UPB1: variants seen among roughly 807,000 people sequenced by gnomAD.
UPB1 encodes the protein beta-ureidopropionase 1.
In UPB1, 40 loss-of-function variants were observed where a neutral mutation model predicts 49.1. The ratio of observed to expected loss-of-function variants is 0.81; its 90% CI spans 0.63 to 1.06. UPB1 has a LOEUF of 1.06. Ranked by LOEUF, UPB1 falls within the 50% of genes least tolerant of loss-of-function variation. UPB1 has a pLI of 0.00. For missense variants in UPB1, 499 were observed against 505.9 expected, an observed-to-expected ratio of 0.99 and a Z score of 0.13; for synonymous variants, 207 against 198.2, an observed-to-expected ratio of 1.04 and a Z score of -0.38.
Position 24,515,339 on chromosome 22 carries a change from T to C in UPB1, c.760T>C (p.Phe254Leu), listed in dbSNP as rs919496708. Residue 254 changes from phenylalanine (F) to leucine (L), a missense_variant, in exon 6 of 10, where the codon TTC becomes CTC. Physicochemically the swap from Phe to Leu is conservative, Grantham distance 22 (BLOSUM62 0). Transcript: ENST00000326010. The stretch of plus-strand genomic sequence containing the variant: ...CAGCATCAACGGGGCTGAGATCATC[T>C]TCAACCCCTCGGCCACGATAGGAGC... ...MYSINGAEII[F>L]NPSATIGALS... The C allele has an allele frequency of 6.2e-7, 1 of 1,614,022 alleles. No individual in the cohort carries two copies. Among genetic ancestry groups the C allele is most frequent in the Non-Finnish European group, 8.5e-7 (1 of 1,180,038 alleles).
At chr22:24,522,264 G>A (rs1431749883) in intron 8 of UPB1, among the ~76,000 whole-genome samples, 3 of 152,158 alleles carry the variant, frequency 2.0e-5, no homozygotes, top group African/African-American at 7.2e-5. Flanking sequence ...TCCATTCCCC[G>A]GGACTGGTGT....
intron 3 of UPB1, among the ~76,000 whole-genome samples, chr22:24,509,360 T>TGAA (rs2044150127): frequency 5.2e-5 from 4 of 76,990 alleles, no homozygotes; most frequent in Admixed American, 1.5e-4. Context: ...ACCTACTGTT[T>TGAA]GAAAAAAAAA....
intron 6 of UPB1, 195 bp from the exon 7 acceptor site, chr22:24,520,192 G>A (rs1454900151): frequency 1.5e-6 from 1 of 649,582 alleles, no homozygotes; most frequent in South Asian, 1.8e-5. Context: ...GGCTGGCCTG[G>A]TTGCAGGTTT....
rs1267812966 is a variant in UPB1, at chr22:24,500,264, C to A, written c.262C>A (p.Pro88Thr). Reference sequence around the variant, plus strand: ...CAGAATCCCCCTCCCCGCAAATGCCCCTGTGGCAGAACAGGTGCAGACTCT... The same window carrying A: ...CAGAATCCCCCTCCCCGCAAATGCCACTGTGGCAGAACAGGTGCAGACTCT... ...QNRIPLPANA[P>T]VAEQVSALHR... The change falls in exon 2 of 10, where the codon CCT (proline) becomes ACT (threonine). Residue 88 changes from proline to threonine, a missense_variant. By Grantham distance (38) the Pro-to-Thr change is conservative. Coordinates refer to ENST00000326010, the MANE Select transcript of UPB1 (RefSeq NM_016327.3). 3.1e-6 allele frequency: 5 copies of A among 1,614,122 alleles called. No homozygotes were observed. Among genetic ancestry groups the A allele is most frequent in the Non-Finnish European group, 4.2e-6 (5 of 1,180,026 alleles).
chr22:24,526,047 C>T lies in UPB1; in HGVS notation c.*253C>T. 1 of 509,532 alleles carries T rather than the reference C, an allele frequency of 2.0e-6. No homozygotes were observed. Among genetic ancestry groups the T allele is most frequent in the Non-Finnish European group, 3.6e-6 (1 of 280,370 alleles). 31.6% of individuals were successfully genotyped at this position (509,532 alleles called of 1,614,324 possible). ...TAAATGCCACTGAATTTGTATACTT[C>T]AGAATGTTTGTTATGTAAATTTTAC... On this transcript the variant is annotated 3_prime_UTR_variant, in exon 10 of 10. Coordinates refer to ENST00000326010, the MANE Select transcript of UPB1 (RefSeq NM_016327.3).
intron 6 of UPB1, among the ~76,000 whole-genome samples, chr22:24,515,683 G>A (rs1159802564): frequency 6.6e-6 from 1 of 152,158 alleles, no homozygotes. Context: ...GCTTCAAAAA[G>A]CCCCACATTG....
At chr22:24,514,811 T>G (rs1435644879) in intron 5 of UPB1, among the ~76,000 whole-genome samples, 1 of 152,120 alleles carries the variant, frequency 6.6e-6, no homozygotes, top group African/African-American at 2.4e-5. Context: ...GTCTCCGGGC[T>G]CCACCGTTCT....
Position 24,513,377 on chromosome 22 carries a change from C to T in UPB1, c.513C>T (p.Ser171=), listed in dbSNP as rs1278978338. 10 of 1,614,044 alleles carry T rather than the reference C, an allele frequency of 6.2e-6. No individual in the cohort carries two copies. The African/African-American group carries it at 6.7e-5, about 11-fold the overall frequency. Residue 171 remains serine (S), a synonymous_variant, in exon 5 of 10, where the codon AGC becomes AGT. Coordinates refer to ENST00000326010, the MANE Select transcript of UPB1 (RefSeq NM_016327.3). ...VVVSPILERD[S]EHGDVLWNTA... The stretch of plus-strand genomic sequence containing the variant: ...TGTCTCCCATCCTGGAACGAGACAG[C>T]GAGCATGGGGATGTTTTGTGGAATA...
intron 5 of UPB1, 42 bp downstream of exon 5, chr22:24,513,527 C>T (rs1326858870): frequency 8.8e-6 from 14 of 1,598,708 alleles, no homozygotes; most frequent in Non-Finnish European, 1.1e-5. Flanking sequence ...TGCTCACTTG[C>T]CCCTCTGTAT....
chr22:24,500,428 C>T lies in UPB1; in HGVS notation c.276+150C>T, dbSNP rs1011776194. The T allele has an allele frequency of 4.3e-6, 4 of 925,348 alleles. No individual in the cohort carries two copies. The Admixed American group carries it at 7.0e-5, about 16-fold the overall frequency. 57.3% of individuals were successfully genotyped at this position (925,348 alleles called of 1,614,324 possible). ...AGAGGCGCTTCTGCCCTGGCCTCCC[C>T]ACATCCCTCCAGCCTGCATCTCTGG... On this transcript the variant is annotated intron_variant, in intron 2 of 9. Coordinates refer to ENST00000326010, the MANE Select transcript of UPB1 (RefSeq NM_016327.3).
chr22:24,501,879 G>A (rs1425388530), intron 2 of UPB1, among the ~76,000 whole-genome samples: 1 of 152,152 alleles, frequency 6.6e-6, no homozygotes, highest in African/African-American at 2.4e-5. Flanking sequence ...CAGGTCAGGT[G>A]GCAGCCTCCC....
At chr22:24,522,193 A>G (rs1002691198) in intron 8 of UPB1, among the ~76,000 whole-genome samples, 165 bp downstream of exon 8, 1 of 152,032 alleles carries the variant, frequency 6.6e-6, no homozygotes. Flanking sequence ...CAGTGTGGGA[A>G]TCGGGCTGTG....
chr22:24,509,920 A>T (rs2044166513), intron 3 of UPB1, among the ~76,000 whole-genome samples: 1 of 151,978 alleles, frequency 6.6e-6, no homozygotes, highest in Non-Finnish European at 1.5e-5. Flanking sequence ...CAGCTATTCT[A>T]CTTTCTGTCA....
At chr22:24,522,769 T>TAAAA (rs1353652421) in intron 8 of UPB1, among the ~76,000 whole-genome samples, 2 of 126,336 alleles carry the variant, frequency 1.6e-5, no homozygotes, top group Non-Finnish European at 3.4e-5. Context: ...CAGTCTCTAC[T>TAAAA]AAAAAAAAAA....
Position 24,520,406 on chromosome 22 carries a change from G to C in UPB1, c.811G>C (p.Glu271Gln), listed in dbSNP as rs747454154. Residue 271 changes from glutamate to glutamine, a missense_variant, in exon 7 of 10, where the codon GAG becomes CAG. By Grantham distance (29) the Glu-to-Gln change is conservative. Coordinates refer to ENST00000326010, the MANE Select transcript of UPB1 (RefSeq NM_016327.3). ...TTACAGCGAGTCCCTGTGGCCCATC[G>C]AGGCCAGAAACGCAGCCATTGCCAA... Reference protein sequence around the residue: ...GALSESLWPIEARNAAIANHC... With the variant: ...GALSESLWPIQARNAAIANHC... 1.2e-6 allele frequency: 2 copies of C among 1,614,028 alleles called. No individual in the cohort carries two copies. Among genetic ancestry groups the C allele is most frequent in the African/African-American group, 2.7e-5 (2 of 74,940 alleles).
intron 3 of UPB1, among the ~76,000 whole-genome samples, chr22:24,504,723 C>CTTTTTTTTT (rs35606558): frequency 5.0e-4 from 46 of 91,758 alleles, no homozygotes; most frequent in Admixed American, 9.6e-4. Context: ...GTATTTCCTC[C>CTTTTTTTTT]TTTTTTTTTT....
Position 24,521,991 on chromosome 22 carries a change from C to T in UPB1, c.879C>T (p.His293=). 1.2e-6 allele frequency: 2 copies of T among 1,614,172 alleles called. No individual in the cohort carries two copies. Among genetic ancestry groups the T allele is most frequent in the South Asian group, 1.1e-5 (1 of 91,074 alleles). Residue 293 remains histidine (H), a synonymous_variant, in exon 8 of 10, where the codon CAC becomes CAT. Transcript: ENST00000326010. The part of the protein sequence containing the change: ...TCAINRVGTE[H]FPNEFTSGDG... The stretch of plus-strand genomic sequence containing the variant: ...ACCTTGGTCTTATTTCACAGGAGCA[C>T]TTCCCGAACGAGTTTACCTCGGGAG...
intron 3 of UPB1, among the ~76,000 whole-genome samples, chr22:24,510,395 A>G (rs1374731345): frequency 3.3e-5 from 5 of 152,048 alleles, no homozygotes; most frequent in Admixed American, 1.3e-4. Context: ...TCCATTGTGT[A>G]TATATATATA....
chr22:24,526,525 C>G lies in UPB1; in HGVS notation c.*731C>G, dbSNP rs1457974438. 2 of 153,352 alleles carry G rather than the reference C, an allele frequency of 1.3e-5. No homozygotes were observed. The highest frequency in any genetic ancestry group is 2.9e-5 in the Non-Finnish European group (2 of 68,864). The allele number at this position is 153,352 out of a possible 1,614,324, so 9.5% of individuals were successfully genotyped here. ...CCTGCCTCACAGAGTTTAGACATGA[C>G]TAGCCAGCTCCTACAATCACTGAAG... On this transcript the variant is annotated 3_prime_UTR_variant, in exon 10 of 10. Coordinates refer to ENST00000326010, the MANE Select transcript of UPB1 (RefSeq NM_016327.3).
Sources: gnomAD v4.1 joint callset for allele counts (sites outside exome capture counted in the v4.1 genomes callset) on GRCh38, gnomAD v4.1.1 for gene constraint, MANE v1.5 for transcripts, NCBI Gene and HGNC (gene_info 2026-07-23, HGNC 2026-07-21) for gene names.